TMEM116: variants seen among roughly 807,000 people sequenced by gnomAD.
TMEM116 encodes transmembrane protein 116.
Under a neutral mutation model 44.3 loss-of-function variants are expected in TMEM116, and 38 were observed. That is an observed-to-expected ratio of 0.86 (90% CI 0.66 to 1.12). TMEM116 has a LOEUF of 1.12. Ranked by LOEUF, TMEM116 falls within the 50% of genes most tolerant of loss-of-function variation. TMEM116 has a pLI of 0.00. For synonymous variants in TMEM116, 132 were observed against 144.8 expected, an observed-to-expected ratio of 0.91 and a Z score of 0.64; for missense variants, 354 against 401.7, an observed-to-expected ratio of 0.88 and a Z score of 1.01.
At chr12:111,952,023 G>T (rs2073771800) in intron 4 of TMEM116, among the ~76,000 whole-genome samples, 1 of 152,016 alleles carries the variant, frequency 6.6e-6, no homozygotes, top group Non-Finnish European at 1.5e-5. Flanking sequence ...GAGGTCAGGA[G>T]ATCGAGACCA....
At chr12:111,997,429 C>T (rs886493407) in intron 3 of TMEM116, among the ~76,000 whole-genome samples, 1 of 152,002 alleles carries the variant, frequency 6.6e-6, no homozygotes, top group Non-Finnish European at 1.5e-5. Flanking sequence ...GCTATAGTGG[C>T]GTGCACCTGT....
At chr12:111,956,310 G>A (rs531747504) in intron 4 of TMEM116, among the ~76,000 whole-genome samples, 1 of 152,280 alleles carries the variant, frequency 6.6e-6, no homozygotes, top group South Asian at 2.1e-4. Context: ...CCCAGTGGAA[G>A]ATGGAAAGCT....
At chr12:111,998,308 C>T (rs543635042) in intron 3 of TMEM116, among the ~76,000 whole-genome samples, 1 of 152,214 alleles carries the variant, frequency 6.6e-6, no homozygotes, top group Non-Finnish European at 1.5e-5. Flanking sequence ...TTACATTGGA[C>T]TATTTTAGTA....
At chr12:111,948,965 A>G (rs1404339158) in intron 4 of TMEM116, among the ~76,000 whole-genome samples, 7 of 144,186 alleles carry the variant, frequency 4.9e-5, no homozygotes, top group African/African-American at 1.8e-4. Context: ...GCACACCTGC[A>G]GTCCCAGCTA....
At chr12:111,988,719 C>T (rs1436360221) in intron 4 of TMEM116, among the ~76,000 whole-genome samples, 7 of 150,876 alleles carry the variant, frequency 4.6e-5, no homozygotes, top group African/African-American at 9.8e-5. Flanking sequence ...AGGCCGGGCG[C>T]GGTGGCTCAC....
In TMEM116 at chr12:111,931,490, G is replaced by T; in HGVS notation, c.*131C>A. The T allele has an allele frequency of 1.3e-6, 1 of 787,752 alleles. No individual in the cohort carries two copies. Among genetic ancestry groups the T allele is most frequent in the Non-Finnish European group, 2.0e-6 (1 of 489,714 alleles). The allele number at this position is 787,752 out of a possible 1,614,324, so 48.8% of individuals were successfully genotyped here. ...TCATCTAGAATGACTACTAACAATG[G>T]CACTATATTTCCTTTGAGTTCTGCA... On this transcript the variant is annotated 3_prime_UTR_variant, in exon 11 of 11. Coordinates refer to ENST00000552374, the MANE Select transcript of TMEM116 (RefSeq NM_001193531.2).
At chr12:111,979,468 TG>T (rs2075835849) in intron 4 of TMEM116, among the ~76,000 whole-genome samples, 1 of 151,982 alleles carries the variant, frequency 6.6e-6, no homozygotes, top group Non-Finnish European at 1.5e-5. Context: ...AGCAGACTGG[TG>T]GGGGATGAAG....
At chr12:111,998,279 G>A (rs1263307981) in intron 3 of TMEM116, among the ~76,000 whole-genome samples, 1 of 152,176 alleles carries the variant, frequency 6.6e-6, no homozygotes, top group Non-Finnish European at 1.5e-5. Context: ...GCAACTACAA[G>A]ATCAAACTGG....
intron 4 of TMEM116, among the ~76,000 whole-genome samples, chr12:111,984,550 G>C (rs1481321458): frequency 6.6e-6 from 1 of 152,062 alleles, no homozygotes; most frequent in Non-Finnish European, 1.5e-5. Context: ...AGCACAAGGT[G>C]ACTATAGTCA....
chr12:111,940,524 T>G (rs916896131), intron 5 of TMEM116, among the ~76,000 whole-genome samples: 1 of 76,740 alleles, frequency 1.3e-5, no homozygotes, highest in Non-Finnish European at 2.3e-5. Context: ...TATATATGTG[T>G]ATATATATAT....
intron 4 of TMEM116, among the ~76,000 whole-genome samples, chr12:111,968,925 G>A (rs976130427): frequency 3.1e-4 from 47 of 149,982 alleles, no homozygotes; most frequent in Non-Finnish European, 4.7e-4. Context: ...CTCGGGAGGC[G>A]GAGGTTGCAG....
At chr12:111,993,145 A>G (rs1468585440) in intron 3 of TMEM116, 1 of 266,452 alleles carries the variant, frequency 3.8e-6, no homozygotes, top group Non-Finnish European at 7.9e-6. Context: ...GCTGCCTTAT[A>G]AAAGTACAGT....
intron 4 of TMEM116, among the ~76,000 whole-genome samples, chr12:111,965,299 C>T (rs113427968): frequency 7.2e-5 from 11 of 152,268 alleles, no homozygotes; most frequent in African/African-American, 2.6e-4. Flanking sequence ...TGAACTTTTA[C>T]TTTTCAGTTG....
At chr12:111,970,335 G>GA (rs760941236) in intron 4 of TMEM116, among the ~76,000 whole-genome samples, 19 of 151,644 alleles carry the variant, frequency 1.3e-4, no homozygotes, top group Non-Finnish European at 1.8e-4. Flanking sequence ...AAACATGGGG[G>GA]AAAAAAGCAT....
intron 1 of TMEM116, chr12:112,005,857 G>C: frequency 1.1e-6 from 1 of 906,238 alleles, no homozygotes; most frequent in Non-Finnish European, 1.3e-6. Context: ...AGAAAAGTTA[G>C]TAGTATGAAA....
At chr12:111,931,865 G>A (rs771514432) in intron 10 of TMEM116, 38 bp from the exon 11 acceptor site, 1 of 1,385,738 alleles carries the variant, frequency 7.2e-7, no homozygotes, top group Non-Finnish European at 9.7e-7. Context: ...CCATGCTTCA[G>A]GTTTTCAGGG....
intron 3 of TMEM116, chr12:111,993,459 T>A: frequency 1.8e-6 from 1 of 560,982 alleles, no homozygotes; most frequent in African/African-American, 1.9e-5. Context: ...GCATGTTATC[T>A]CTGGTGCACA....
intron 4 of TMEM116, among the ~76,000 whole-genome samples, chr12:111,979,496 G>A (rs1035142198): frequency 3.3e-5 from 5 of 152,118 alleles, no homozygotes; most frequent in African/African-American, 1.2e-4. Flanking sequence ...CTCTTAATGG[G>A]TACAGGGTTT....
chr12:111,955,680 A>C (rs2074035428), intron 4 of TMEM116, among the ~76,000 whole-genome samples: 2 of 152,242 alleles, frequency 1.3e-5, no homozygotes, highest in South Asian at 4.1e-4. Context: ...CTGAAATTAC[A>C]GTCATGCACT....
Sources: gnomAD v4.1 joint callset for allele counts (sites outside exome capture counted in the v4.1 genomes callset) on GRCh38, gnomAD v4.1.1 for gene constraint, MANE v1.5 for transcripts, NCBI Gene and HGNC (gene_info 2026-07-23, HGNC 2026-07-21) for gene names.